Variants in KLRG1 observed in about 807,000 individuals in gnomAD.
The protein encoded by KLRG1 is killer cell lectin-like receptor subfamily G member 1.
A neutral mutation model predicts 21.8 loss-of-function variants in KLRG1; 16 were observed. That is an observed-to-expected ratio of 0.73 (90% CI 0.50 to 1.11). The LOEUF is 1.11. Among genes scored for constraint, KLRG1 ranks in the 50% most tolerant of loss-of-function variants. The pLI, the probability that KLRG1 is intolerant of heterozygous loss-of-function variation, is 0.00. For missense variants in KLRG1, 173 were observed against 218.3 expected (o/e 0.79, Z 1.31); for synonymous variants, 69 against 75.9 (o/e 0.91, Z 0.47).
rs910812693 is a variant in KLRG1, at chr12:8,960,698, G to A, written c.-156+10462G>A. ...TTCAAGAATATCTGAATAGTGAACA[G>A]CCTTAGAATACAGAAATAGTGTCTC... On this transcript the variant is annotated intron_variant, in intron 1 of 4. Transcript: ENST00000539240. 2.0e-5 allele frequency among the ~76,000 whole-genome samples: 3 copies of A among 152,212 alleles called. No homozygotes were observed. In the East Asian group the frequency reaches 5.8e-4, roughly 29 times the overall value.
the KLRG1 span, among the ~76,000 whole-genome samples, chr12:9,120,066 A>G: frequency 2.3e-3 from 350 of 152,298 alleles, 1 homozygote; most frequent in African/African-American, 8.2e-3. Flanking sequence ...AGTTTCATAC[A>G]AGATGCTAGG....
chr12:9,017,264 CAAAAAAAAA>C, the KLRG1 span, among the ~76,000 whole-genome samples: 18 of 53,136 alleles, frequency 3.4e-4, no homozygotes, highest in African/African-American at 1.4e-3. Context: ...AACTCCATCT[CAAAAAAAAA>C]AAAAAAAAAA....
At position 8,992,128 on chromosome 12, in the gene KLRG1, C is replaced by G. The variant is rs764439397; in HGVS notation, c.83-78C>G. On this transcript the variant is annotated intron_variant, in intron 1 of 4. Transcript: ENST00000356986. Reference sequence around the variant, plus strand: ...CACTAGGCCAAATTGCTTTAAGATGCGATATCCTTCCCTGACTTTCTCTTT... The same window carrying G: ...CACTAGGCCAAATTGCTTTAAGATGGGATATCCTTCCCTGACTTTCTCTTT... 2.1e-5 allele frequency: 26 copies of G among 1,228,328 alleles called. No homozygotes were observed. In the South Asian group the frequency reaches 3.3e-4, roughly 16 times the overall value. The allele number at this position is 1,228,328 out of a possible 1,614,324, so 76.1% of individuals were successfully genotyped here.
intron 2 of KLRG1, among the ~76,000 whole-genome samples, chr12:8,994,024 T>A (rs1947057401): frequency 6.6e-6 from 1 of 152,192 alleles, no homozygotes; most frequent in Non-Finnish European, 1.5e-5. Flanking sequence ...TTTGGAATCT[T>A]GGTTGGAATT....
chr12:9,105,582 G>C, the KLRG1 span, among the ~76,000 whole-genome samples: 2 of 152,096 alleles, frequency 1.3e-5, no homozygotes, highest in African/African-American at 4.8e-5. Context: ...GACTTCTAGA[G>C]TCATAAAGAT....
At chr12:9,180,973 G>A in the KLRG1 span, 4 of 1,610,138 alleles carry the variant, frequency 2.5e-6, no homozygotes, top group African/African-American at 4.0e-5. Context: ...CAAGGCCACT[G>A]GAAACTCACT....
At chr12:9,101,644 C>T in the KLRG1 span, 10 of 1,613,640 alleles carry the variant, frequency 6.2e-6, no homozygotes, top group South Asian at 4.4e-5. Flanking sequence ...CACTGGTAGC[C>T]GTAACAGGGA....
At chr12:9,195,145 T>C in the KLRG1 span, among the ~76,000 whole-genome samples, 5 of 152,172 alleles carry the variant, frequency 3.3e-5, no homozygotes, top group African/African-American at 9.7e-5. Context: ...ATATCTCAAT[T>C]ATGCTGATTG....
At chr12:9,198,063 T>C in the KLRG1 span, among the ~76,000 whole-genome samples, 1 of 148,868 alleles carries the variant, frequency 6.7e-6, no homozygotes, top group South Asian at 2.1e-4. Flanking sequence ...TATATATGTT[T>C]TTCCTTTGGC....
chr12:8,954,195 T>C (rs2137194541), intron 1 of KLRG1, among the ~76,000 whole-genome samples: 2 of 151,808 alleles, frequency 1.3e-5, no homozygotes, highest in South Asian at 4.2e-4. Flanking sequence ...GAAAGAAAAA[T>C]ATGATATGAT....
chr12:9,161,212 C>T, the KLRG1 span: 242 of 1,054,012 alleles, frequency 2.3e-4, no homozygotes, highest in African/African-American at 3.6e-3. Flanking sequence ...GCCACACTCC[C>T]TGGATATGGT....
At chr12:9,190,183 ACATGCACACATATGTT>A in the KLRG1 span, among the ~76,000 whole-genome samples, 3 of 152,200 alleles carry the variant, frequency 2.0e-5, no homozygotes, top group Non-Finnish European at 4.4e-5. Flanking sequence ...TCATAAAGAC[ACATGCACACATATGTT>A]CATTGCAACC....
At chr12:9,133,472 T>A in the KLRG1 span, among the ~76,000 whole-genome samples, 1 of 152,236 alleles carries the variant, frequency 6.6e-6, no homozygotes, top group Non-Finnish European at 1.5e-5. Context: ...CAGATCAAAG[T>A]ATATAAACAA....
the KLRG1 span, among the ~76,000 whole-genome samples, chr12:9,143,325 T>C: frequency 1.1e-3 from 169 of 152,206 alleles, 2 homozygotes; most frequent in Admixed American, 1.5e-3. Context: ...CAGAGGTGGT[T>C]TGACTGGTTG....
chr12:9,149,090 A>T, the KLRG1 span: 2 of 1,102,208 alleles, frequency 1.8e-6, no homozygotes, highest in Non-Finnish European at 2.8e-6. Context: ...AGGGTCAGGA[A>T]ACTTTGTGAA....
chr12:9,052,997 C>G, the KLRG1 span, among the ~76,000 whole-genome samples: 1 of 152,178 alleles, frequency 6.6e-6, no homozygotes, highest in Non-Finnish European at 1.5e-5. Flanking sequence ...TAAGATTGTT[C>G]CTGTTCAACC....
chr12:9,111,052 G>C, the KLRG1 span, among the ~76,000 whole-genome samples: 1 of 152,078 alleles, frequency 6.6e-6, no homozygotes, highest in South Asian at 2.1e-4. Context: ...GAATTCTTAC[G>C]TAGTTCTAAG....
At chr12:9,060,166 G>A in the KLRG1 span, among the ~76,000 whole-genome samples, 345 of 151,724 alleles carry the variant, frequency 2.3e-3, 2 homozygotes, top group African/African-American at 7.8e-3. Context: ...CACCACATCC[G>A]GCTAATTTTT....
intron 1 of KLRG1, among the ~76,000 whole-genome samples, chr12:8,979,181 A>G (rs1946714431): frequency 6.7e-6 from 1 of 148,508 alleles, no homozygotes; most frequent in African/African-American, 2.5e-5. Flanking sequence ...TGCCTGGTTA[A>G]TTTTCTTTGT....
Sources: allele counts gnomAD v4.1 joint callset (sites outside exome capture counted in the v4.1 genomes callset), GRCh38; gene constraint gnomAD v4.1.1; transcripts MANE v1.5; gene names NCBI Gene and HGNC (gene_info 2026-07-23, HGNC 2026-07-21).